Variants in NT5DC3 observed in about 807,000 individuals in gnomAD.
NT5DC3 encodes the protein 5'-nucleotidase domain containing 3.
In NT5DC3, 42 loss-of-function variants were observed where a neutral mutation model predicts 67.8. The observed-to-expected ratio is 0.62, with a 90% CI of 0.48 to 0.80. NT5DC3 has a LOEUF of 0.80. Among genes scored for constraint, NT5DC3 ranks in the 30% least tolerant of loss-of-function variants. The pLI is 0.00. For synonymous variants in NT5DC3, 237 were observed against 255.6 expected, an observed-to-expected ratio of 0.93 and a Z score of 0.69; for missense variants, 570 against 696.4, an observed-to-expected ratio of 0.82 and a Z score of 2.04.
At chr12:103,763,295 C>T in the NT5DC3 span, 1 of 601,128 alleles carries the variant, frequency 1.7e-6, no homozygotes, top group South Asian at 2.0e-5. Flanking sequence ...CACAAATGGG[C>T]AGACATCGGT....
the NT5DC3 span, among the ~76,000 whole-genome samples, chr12:103,765,034 C>CAG: frequency 8.0e-6 from 1 of 125,026 alleles, no homozygotes; most frequent in African/African-American, 3.2e-5. Flanking sequence ...TTGCAGTGAG[C>CAG]AGAGATTGCA....
chr12:103,785,489 T>A lies in NT5DC3; in HGVS notation c.1189-14A>T. 6.2e-7 allele frequency: 1 copy of A among 1,613,606 alleles called. No individual in the cohort carries two copies. Among genetic ancestry groups the A allele is most frequent in the Non-Finnish European group, 8.5e-7 (1 of 1,179,622 alleles). On this transcript the variant is annotated splice_polypyrimidine_tract_variant and intron_variant, in intron 11 of 13. Transcript: ENST00000392876. ...TAGGGTCAAATCCTGATCACAAAGA[T>A]CACGAAAAGTCAACGTCAGTCTCAA... is the stretch of plus-strand genomic sequence containing the variant.
chr12:103,786,681 ATTTT>A (rs3036176), intron 11 of NT5DC3, among the ~76,000 whole-genome samples: 2 of 132,358 alleles, frequency 1.5e-5, no homozygotes, highest in South Asian at 2.4e-4. Context: ...CACTGGTTTG[ATTTT>A]TTTTTTTTTT....
At chr12:103,786,778 G>A (rs1885801610) in intron 11 of NT5DC3, among the ~76,000 whole-genome samples, 1 of 150,174 alleles carries the variant, frequency 6.7e-6, no homozygotes, top group African/African-American at 2.4e-5. Context: ...CACCTCCCAG[G>A]TTCAAGCAAT....
chr12:103,758,843 G>A, the NT5DC3 span, among the ~76,000 whole-genome samples: 1 of 152,026 alleles, frequency 6.6e-6, no homozygotes, highest in South Asian at 2.1e-4. Flanking sequence ...AGCCCCACCA[G>A]CCACCTGAGG....
At chr12:103,812,759 C>T (rs1887088786) in intron 2 of NT5DC3, among the ~76,000 whole-genome samples, 1 of 152,026 alleles carries the variant, frequency 6.6e-6, no homozygotes, top group South Asian at 2.1e-4. Context: ...ATTTTTTGAA[C>T]CTCAGTTTCC....
At chr12:103,801,544 G>A (rs1309907991) in intron 4 of NT5DC3, among the ~76,000 whole-genome samples, 9 of 151,548 alleles carry the variant, frequency 5.9e-5, no homozygotes, top group South Asian at 4.2e-4. Context: ...CACCACGCCC[G>A]GCTAATTTTT....
chr12:103,762,012 G>A, the NT5DC3 span, among the ~76,000 whole-genome samples: 1 of 152,124 alleles, frequency 6.6e-6, no homozygotes, highest in Non-Finnish European at 1.5e-5. Context: ...CTGGCTGTGT[G>A]ATATCGGGCA....
At chr12:103,835,400 G>A (rs1221497366) in intron 1 of NT5DC3, among the ~76,000 whole-genome samples, 1 of 152,184 alleles carries the variant, frequency 6.6e-6, no homozygotes, top group Admixed American at 6.5e-5. Context: ...ACCGAATCCT[G>A]TACCTCTAAC....
At chr12:103,757,882 T>G in the NT5DC3 span, 1 of 417,462 alleles carries the variant, frequency 2.4e-6, no homozygotes, top group South Asian at 2.7e-5. Flanking sequence ...CACTGCAGGA[T>G]TTTGAGAAGA....
intron 1 of NT5DC3, among the ~76,000 whole-genome samples, chr12:103,835,725 C>T (rs7315948): frequency 0.14 from 20,708 of 152,188 alleles, 1,560 homozygotes; most frequent in Middle Eastern, 0.28. Context: ...ATGGAGGAAA[C>T]CAAGGTCAGA....
intron 1 of NT5DC3, among the ~76,000 whole-genome samples, chr12:103,839,733 G>C (rs554721377): frequency 7.9e-5 from 12 of 152,174 alleles, no homozygotes; most frequent in Admixed American, 2.0e-4. Flanking sequence ...AGCTTCAAAA[G>C]CCAAAGCAAA....
At chr12:103,820,686 T>C (rs1887455695) in intron 1 of NT5DC3, 1 of 152,148 alleles carries the variant, frequency 6.6e-6, no homozygotes, top group South Asian at 2.1e-4. Flanking sequence ...TGAATATTTA[T>C]TCTTAATGTT....
chr12:103,789,176 C>A (rs1885929314), intron 9 of NT5DC3: 3 of 386,420 alleles, frequency 7.8e-6, no homozygotes, highest in Admixed American at 4.0e-5. Context: ...GTAAGCCCAG[C>A]ACTTTGGGAA....
chr12:103,801,624 A>T (rs1593407321), intron 4 of NT5DC3, among the ~76,000 whole-genome samples: 1 of 151,632 alleles, frequency 6.6e-6, no homozygotes, highest in Admixed American at 6.6e-5. Context: ...CTCGTGATCT[A>T]CCTGCCTCAG....
intron 1 of NT5DC3, among the ~76,000 whole-genome samples, 163 bp downstream of exon 1, chr12:103,840,786 C>G (rs1238180561): frequency 1.3e-5 from 2 of 152,198 alleles, no homozygotes; most frequent in African/African-American, 2.4e-5. Flanking sequence ...AGTCGCTCCG[C>G]AGGAGCGATG....
At position 103,776,714 on chromosome 12, in the gene NT5DC3, C is replaced by T. The variant is rs973415391; in HGVS notation, c.*1115G>A. 2.7e-5 allele frequency: 4 copies of T among 150,728 alleles called. No individual in the cohort carries two copies. Among genetic ancestry groups the T allele is most frequent in the Non-Finnish European group, 1.5e-5 (1 of 67,772 alleles). The allele number at this position is 150,728 out of a possible 1,614,324, so 9.3% of individuals were successfully genotyped here. A position where few individuals can be genotyped will look rare whatever the true frequency, so the allele number is the denominator to read the frequency against. The stretch of plus-strand genomic sequence containing the variant: ...CAAACTACACAAACTCCCAAATAGT[C>T]GCACAAACATCACAGGAGTGAAATC... On this transcript the variant is annotated 3_prime_UTR_variant, in exon 14 of 14. Transcript: ENST00000392876.
chr12:103,797,524 G>C (rs1486099319), intron 5 of NT5DC3, among the ~76,000 whole-genome samples: 1 of 150,396 alleles, frequency 6.6e-6, no homozygotes, highest in African/African-American at 2.4e-5. Flanking sequence ...ATTCACAGCA[G>C]AGCTGATGTC....
At chr12:103,748,897 C>T in the NT5DC3 span, 18 of 1,543,728 alleles carry the variant, frequency 1.2e-5, no homozygotes, top group South Asian at 1.6e-4. Flanking sequence ...GTGCCCCATA[C>T]CCTGACCTGA....
Sources: allele counts gnomAD v4.1 joint callset (sites outside exome capture counted in the v4.1 genomes callset), GRCh38; gene constraint gnomAD v4.1.1; transcripts MANE v1.5; gene names NCBI Gene and HGNC (gene_info 2026-07-23, HGNC 2026-07-21).